AGFG1: variants seen among roughly 807,000 people sequenced by gnomAD.
AGFG1 encodes ArfGAP with FG repeats 1, also known as arf-GAP domain and FG repeat-containing protein 1.
AGFG1 carries 10 observed loss-of-function variants against 60.6 expected under a neutral mutation model. The ratio of observed to expected loss-of-function variants is 0.16; its 90% confidence interval spans 0.10 to 0.28. The LOEUF is 0.28. AGFG1 is among the 10% of genes least tolerant of loss of function. The pLI is 1.00. For missense variants in AGFG1, 537 were observed against 676.5 expected, an observed-to-expected ratio of 0.79 and a Z score of 2.29; for synonymous variants, 247 against 242.9, an observed-to-expected ratio of 1.02 and a Z score of -0.16.
intron 1 of AGFG1, among the ~76,000 whole-genome samples, chr2:227,489,916 A>C (rs995678643): frequency 2.0e-5 from 3 of 152,056 alleles, no homozygotes; most frequent in Admixed American, 1.3e-4. Context: ...CCTGGGTTCA[A>C]GCAATTTTCA....
chr2:227,491,661 TTTGCAA>T, intron 2 of AGFG1, 21 bp downstream of exon 2: 1 of 1,460,702 alleles, frequency 6.8e-7, no homozygotes, highest in Non-Finnish European at 9.2e-7. Flanking sequence ...TTTTTTTTTT[TTTGCAA>T]TTTTTGACTT....
chr2:227,488,366 G>T (rs1415458868), intron 1 of AGFG1, among the ~76,000 whole-genome samples: 1 of 152,236 alleles, frequency 6.6e-6, no homozygotes, highest in African/African-American at 2.4e-5. Context: ...TCAGCTTTAT[G>T]AATTGTTGTT....
chr2:227,502,958 C>T (rs906571596), intron 2 of AGFG1, among the ~76,000 whole-genome samples: 5 of 152,086 alleles, frequency 3.3e-5, no homozygotes, highest in Non-Finnish European at 7.4e-5. Flanking sequence ...CCAGGCAGGG[C>T]ATGGTGGTTC....
chr2:227,527,322 G>GTCTTC (rs1378314581), intron 5 of AGFG1, among the ~76,000 whole-genome samples: 1 of 152,146 alleles, frequency 6.6e-6, no homozygotes, highest in Non-Finnish European at 1.5e-5. Flanking sequence ...AACATTGTTT[G>GTCTTC]TCTTCTCTCT....
intron 10 of AGFG1, among the ~76,000 whole-genome samples, chr2:227,545,636 A>G (rs1273353254): frequency 6.6e-6 from 1 of 152,044 alleles, no homozygotes; most frequent in Non-Finnish European, 1.5e-5. Flanking sequence ...TGACCTACAG[A>G]TGGGGTTTTG....
intron 10 of AGFG1, among the ~76,000 whole-genome samples, chr2:227,550,561 C>G (rs1257940278): frequency 6.6e-6 from 1 of 151,990 alleles, no homozygotes; most frequent in Non-Finnish European, 1.5e-5. Context: ...CTCCTGTTAC[C>G]CTTGCAGTGT....
At chr2:227,514,528 C>T (rs1691596491) in intron 2 of AGFG1, among the ~76,000 whole-genome samples, 1 of 152,080 alleles carries the variant, frequency 6.6e-6, no homozygotes, top group Non-Finnish European at 1.5e-5. Flanking sequence ...ATACCTGTTC[C>T]CAGTACAAAA....
chr2:227,538,176 A>C (rs1053571399), intron 10 of AGFG1, among the ~76,000 whole-genome samples: 1 of 152,192 alleles, frequency 6.6e-6, no homozygotes, highest in Non-Finnish European at 1.5e-5. Flanking sequence ...AGTTTGTAAA[A>C]TGTCTCATGA....
chr2:227,479,326 T>C (rs192975987), intron 1 of AGFG1, among the ~76,000 whole-genome samples: 2 of 152,366 alleles, frequency 1.3e-5, no homozygotes, highest in African/African-American at 4.8e-5. Flanking sequence ...TCCATCATTT[T>C]TGGCATGTGA....
At chr2:227,488,651 G>A (rs887286256) in intron 1 of AGFG1, among the ~76,000 whole-genome samples, 11 of 152,188 alleles carry the variant, frequency 7.2e-5, no homozygotes, top group African/African-American at 2.4e-4. Flanking sequence ...ATTCCTTTGC[G>A]AATTGTTTTG....
chr2:227,478,124 C>T lies in AGFG1; in HGVS notation c.167+5536C>T, dbSNP rs150070532. Among the ~76,000 whole-genome samples, 48 of 126,400 alleles carry T rather than the reference C, an allele frequency of 3.8e-4. No homozygotes were observed. The East Asian group carries it at 8.2e-3, about 22-fold the overall frequency. The allele number at this position is 126,400 out of a possible 152,430, so 82.9% of individuals were successfully genotyped here. ...TTGGCATGTGCATACTACCATGTGC[C>T]GTAATTCTCGTGCTATTTTTTATAT... On this transcript the variant is annotated intron_variant, in intron 1 of 12. Coordinates refer to ENST00000310078, the MANE Select transcript of AGFG1 (RefSeq NM_004504.5).
chr2:227,551,066 G>A (rs1338377824), intron 10 of AGFG1, among the ~76,000 whole-genome samples: 1 of 152,176 alleles, frequency 6.6e-6, no homozygotes, highest in Non-Finnish European at 1.5e-5. Context: ...TTCCACATAT[G>A]TAGCAGTTGT....
intron 3 of AGFG1, 42 bp downstream of exon 3, chr2:227,520,105 C>A: frequency 8.4e-7 from 1 of 1,190,504 alleles, no homozygotes; most frequent in Non-Finnish European, 1.2e-6. Context: ...CTCCCCAAAT[C>A]ACATATTAAC....
chr2:227,509,730 G>C (rs1691440673), intron 2 of AGFG1, among the ~76,000 whole-genome samples: 1 of 151,686 alleles, frequency 6.6e-6, no homozygotes, highest in Non-Finnish European at 1.5e-5. Context: ...AAAAAACCAA[G>C]CAGAACTAAA....
At chr2:227,475,974 T>A (rs1398600943) in intron 1 of AGFG1, among the ~76,000 whole-genome samples, 1 of 152,248 alleles carries the variant, frequency 6.6e-6, no homozygotes, top group Admixed American at 6.5e-5. Flanking sequence ...GTGACATACC[T>A]TCTATCATTT....
chr2:227,490,637 C>G (rs1690785017), intron 1 of AGFG1, among the ~76,000 whole-genome samples: 1 of 151,740 alleles, frequency 6.6e-6, no homozygotes, highest in Non-Finnish European at 1.5e-5. Flanking sequence ...CAAATGAGAC[C>G]TTTGTCAGAG....
chr2:227,491,949 A>G (rs1468649282), intron 2 of AGFG1, among the ~76,000 whole-genome samples: 1 of 152,198 alleles, frequency 6.6e-6, no homozygotes, highest in Non-Finnish European at 1.5e-5. Context: ...CAAAAGTCAA[A>G]AAAGAGGAAG....
At chr2:227,530,240 G>A (rs1189293354) in intron 5 of AGFG1, among the ~76,000 whole-genome samples, 1 of 152,188 alleles carries the variant, frequency 6.6e-6, no homozygotes, top group African/African-American at 2.4e-5. Flanking sequence ...TCTTTGTACA[G>A]AGATTGCCTG....
In AGFG1 at chr2:227,558,394, GTTTT is replaced by G. The variant is rs67833017; in HGVS notation, c.*3907_*3910del. On this transcript the variant is annotated 3_prime_UTR_variant, in exon 13 of 13. Transcript: ENST00000310078. ...ATGAAATCAGTACAGTTTATTCTTG[GTTTT>G]TTTTTTTAACTTTAGAAGTAAATTA... The G allele has an allele frequency of 6.8e-6, 1 of 147,358 alleles. No homozygotes were observed. Among genetic ancestry groups the G allele is most frequent in the Non-Finnish European group, 1.5e-5 (1 of 66,314 alleles). The allele number at this position is 147,358 out of a possible 1,614,324, so 9.1% of individuals were successfully genotyped here. A position where few individuals can be genotyped will look rare whatever the true frequency, so the allele number is the denominator to read the frequency against.
Sources: allele counts gnomAD v4.1 joint callset (sites outside exome capture counted in the v4.1 genomes callset), GRCh38; gene constraint gnomAD v4.1.1; transcripts MANE v1.5; gene names NCBI Gene and HGNC (gene_info 2026-07-23, HGNC 2026-07-21).